Variants in YWHAH observed in about 807,000 individuals in gnomAD.
The protein encoded by YWHAH is tyrosine 3-monooxygenase/tryptophan 5-monooxygenase activation protein eta, also known as 14-3-3 protein eta.
In YWHAH, 6 loss-of-function variants were observed where a neutral mutation model predicts 22.9. The observed-to-expected ratio is 0.26, with a 90% confidence interval of 0.14 to 0.52. The LOEUF (loss-of-function observed/expected upper bound fraction) is 0.52. YWHAH is among the 20% of genes least tolerant of loss of function. YWHAH has a pLI of 0.97. For missense variants in YWHAH, 173 were observed against 308.6 expected (o/e 0.56, Z 3.29); for synonymous variants, 135 against 124.5 (o/e 1.08, Z -0.56).
intron 1 of YWHAH, among the ~76,000 whole-genome samples, chr22:31,955,086 A>C (rs1202209788): frequency 1.3e-5 from 2 of 152,232 alleles, no homozygotes; most frequent in African/African-American, 2.4e-5. Flanking sequence ...TGATGACCAG[A>C]GTTTCCTGTG....
At chr22:31,944,978 C>A (rs2093831433) in intron 1 of YWHAH, 158 bp downstream of exon 1, 1 of 1,119,912 alleles carries the variant, frequency 8.9e-7, no homozygotes, top group South Asian at 4.4e-5. Context: ...TTCCCGCTCC[C>A]GCTGGGCGCC....
chr22:31,944,676 C>T lies in YWHAH; in HGVS notation c.-58C>T, dbSNP rs1474551499. 10 of 1,248,290 alleles carry T rather than the reference C, an allele frequency of 8.0e-6. No individual in the cohort carries two copies. The highest frequency in any genetic ancestry group is 1.0e-5 in the Non-Finnish European group (10 of 981,880). The allele number at this position is 1,248,290 out of a possible 1,614,324, so 77.3% of individuals were successfully genotyped here. ...AGCGACCGGGGAGCGGACTGACCGG[C>T]GGGAGGGCTAGCGAGCCAGCGGTGT... is the stretch of plus-strand genomic sequence containing the variant. On this transcript the variant is annotated 5_prime_UTR_variant, in exon 1 of 2. Coordinates refer to ENST00000248975, the MANE Select transcript of YWHAH (RefSeq NM_003405.4).
chr22:31,955,548 TTC>T (rs764483402), intron 1 of YWHAH, among the ~76,000 whole-genome samples: 102 of 151,962 alleles, frequency 6.7e-4, no homozygotes, highest in Middle Eastern at 3.4e-3. Context: ...GTTCAAGAGT[TTC>T]TCTTGCCTCA....
chr22:31,944,544 G>C lies in YWHAH; in HGVS notation c.-190G>C. On this transcript the variant is annotated 5_prime_UTR_variant, in exon 1 of 2. Coordinates refer to ENST00000248975, the MANE Select transcript of YWHAH (RefSeq NM_003405.4). ...GTCCGCGGCGCGAGCCACAGCGCGCGGGGCGAGCCAGCGAGAGGGCGCGAG... is the reference window on the plus strand; with the variant it reads ...GTCCGCGGCGCGAGCCACAGCGCGCCGGGCGAGCCAGCGAGAGGGCGCGAG... 2 of 219,112 alleles carry C rather than the reference G, an allele frequency of 9.1e-6. No individual in the cohort carries two copies. Among genetic ancestry groups the C allele is most frequent in the Non-Finnish European group, 1.6e-5 (2 of 122,254 alleles). 13.6% of individuals were successfully genotyped at this position (219,112 alleles called of 1,614,324 possible). A position where few individuals can be genotyped will look rare whatever the true frequency, so the allele number is the denominator to read the frequency against.
In YWHAH at chr22:31,944,948, CGCCCGCCCTTA is replaced by C. The variant is rs1237781198; in HGVS notation, c.87+135_87+145del. On this transcript the variant is annotated intron_variant, in intron 1 of 1. Coordinates refer to ENST00000248975, the MANE Select transcript of YWHAH (RefSeq NM_003405.4). ...GGCGACCCGGCTGGGCGTGGCCGCCCGCCCGCCCTTAGCCCGCGCTTCCCGCTCCCGCTGGG... is the reference window on the plus strand; with the variant it reads ...GGCGACCCGGCTGGGCGTGGCCGCCCGCCCGCGCTTCCCGCTCCCGCTGGG... 5.4e-6 allele frequency: 6 copies of C among 1,119,064 alleles called. No individual in the cohort carries two copies. In the African/African-American group the frequency reaches 6.6e-5, roughly 12 times the overall value. 69.3% of individuals were successfully genotyped at this position (1,119,064 alleles called of 1,614,324 possible).
intron 1 of YWHAH, 103 bp downstream of exon 1, chr22:31,944,923 G>A (rs1203805120): frequency 6.1e-6 from 7 of 1,140,908 alleles, no homozygotes; most frequent in African/African-American, 1.7e-5. Flanking sequence ...TGGGCGACCC[G>A]GCGACCCGGC....
In YWHAH at chr22:31,956,753, G is replaced by A; in HGVS notation, c.702G>A (p.Thr234=). ...TGCGAGACAACCTCACCCTCTGGAC[G>A]AGCGACCAGCAGGATGAAGAAGCAG... ...QLLRDNLTLW[T]SDQQDEEAGE... The change falls in exon 2 of 2, where the codon ACG becomes ACA. Residue 234 remains threonine, a synonymous_variant. Coordinates refer to ENST00000248975, the MANE Select transcript of YWHAH (RefSeq NM_003405.4). This position sits in a 1 kb window ranked among gnomAD's most constrained non-coding sequence, Gnocchi z 5.1. 2 of 1,610,184 alleles carry A rather than the reference G, an allele frequency of 1.2e-6. No homozygotes were observed. Among genetic ancestry groups the A allele is most frequent in the South Asian group, 1.1e-5 (1 of 90,560 alleles).
intron 1 of YWHAH, among the ~76,000 whole-genome samples, chr22:31,952,647 T>C (rs1314305545): frequency 2.0e-5 from 3 of 152,232 alleles, no homozygotes; most frequent in Non-Finnish European, 4.4e-5. Context: ...CTAATGCTGA[T>C]AGTGATTCAT....
At chr22:31,945,821 C>G (rs956315647) in intron 1 of YWHAH, 1 of 616,060 alleles carries the variant, frequency 1.6e-6, no homozygotes, top group African/African-American at 1.9e-5. Context: ...TTCAGAAATT[C>G]GGGCGGTGAG....
chr22:31,951,601 T>C (rs949158476), intron 1 of YWHAH, among the ~76,000 whole-genome samples: 3 of 152,196 alleles, frequency 2.0e-5, no homozygotes, highest in Non-Finnish European at 2.9e-5. Context: ...ACACATAGTT[T>C]TTTGCCTTGT....
In YWHAH at chr22:31,945,951, G is replaced by GA. The variant is rs1387893105; in HGVS notation, c.87+1139dup. Among the ~76,000 whole-genome samples the GA allele has an allele frequency of 3.3e-5, 5 of 151,750 alleles. No individual in the cohort carries two copies. The East Asian group carries it at 7.7e-4, about 23-fold the overall frequency. On this transcript the variant is annotated intron_variant, in intron 1 of 1. Coordinates refer to ENST00000248975, the MANE Select transcript of YWHAH (RefSeq NM_003405.4). ...TTGCTGGCCTTTTGGAGGGAGTTCC[G>GA]AAAAAAAACTGCCAATACAAAGGCT...
chr22:31,949,294 C>T (rs1001423906), intron 1 of YWHAH, among the ~76,000 whole-genome samples: 2 of 151,770 alleles, frequency 1.3e-5, no homozygotes, highest in Non-Finnish European at 2.9e-5. Flanking sequence ...CATGCACCAC[C>T]ATGCCATGCC....
At chr22:31,949,220 A>G (rs1051997909) in intron 1 of YWHAH, among the ~76,000 whole-genome samples, 106 of 143,720 alleles carry the variant, frequency 7.4e-4, no homozygotes, top group African/African-American at 2.8e-3. Context: ...GCTCTCTGCA[A>G]CCTCTGCCTC....
rs1336288108 is a variant in YWHAH at position 31,944,705 on chromosome 22, G to A, written c.-29G>A. The A allele has an allele frequency of 1.5e-6, 2 of 1,360,272 alleles. No individual in the cohort carries two copies. Among genetic ancestry groups the A allele is most frequent in the African/African-American group, 1.5e-5 (1 of 66,052 alleles). The allele number at this position is 1,360,272 out of a possible 1,614,324, so 84.3% of individuals were successfully genotyped here. ...AGGGCTAGCGAGCCAGCGGTGTGAG[G>A]CGCGAGGCGAGGCCGAGCCGCGAGC... On this transcript the variant is annotated 5_prime_UTR_variant, in exon 1 of 2. Transcript: ENST00000248975.
chr22:31,949,266 A>G (rs1021423668), intron 1 of YWHAH, among the ~76,000 whole-genome samples: 5 of 149,524 alleles, frequency 3.3e-5, no homozygotes, highest in Admixed American at 2.7e-4. Flanking sequence ...CAGCCTCCCA[A>G]GTAGCTGGGA....
Position 31,944,887 on chromosome 22 carries a change from C to T in YWHAH, c.87+67C>T, listed in dbSNP as rs957974640. On this transcript the variant is annotated intron_variant, in intron 1 of 1. Transcript: ENST00000248975. ...TGGCGTTGGGGAGGGACGGGGATGG[C>T]CGCGGGCGCGTTCCCCTCCCGGCCA... 252 of 1,196,684 alleles carry T rather than the reference C, an allele frequency of 2.1e-4. 1 individual carries two copies. Among genetic ancestry groups the T allele is most frequent in the Non-Finnish European group, 2.5e-4 (240 of 964,088 alleles). The allele number at this position is 1,196,684 out of a possible 1,614,324, so 74.1% of individuals were successfully genotyped here. A position where few individuals can be genotyped will look rare whatever the true frequency, so the allele number is the denominator to read the frequency against.
At chr22:31,950,767 G>A (rs2093842247) in intron 1 of YWHAH, among the ~76,000 whole-genome samples, 1 of 152,170 alleles carries the variant, frequency 6.6e-6, no homozygotes. Context: ...GGCTGGTGAT[G>A]TTCTTGCCCA....
chr22:31,956,242 G>A lies in YWHAH; in HGVS notation c.191G>A (p.Ser64Asn), dbSNP rs371520759. 1.1e-5 allele frequency: 17 copies of A among 1,614,186 alleles called. No individual in the cohort carries two copies. Among genetic ancestry groups the A allele is most frequent in the Non-Finnish European group, 1.1e-5 (13 of 1,180,044 alleles). Residue 64 changes from serine to asparagine, a missense_variant, in exon 2 of 2, where the codon AGC becomes AAC. Ser to Asn is a conservative substitution (Grantham distance 46). Transcript: ENST00000248975. This position sits in a 1 kb window ranked among gnomAD's most constrained non-coding sequence, Gnocchi z 5.1. ...GARRSSWRVISSIEQKTMADG... is the reference protein window; with the variant it reads ...GARRSSWRVINSIEQKTMADG... ...AGGCGATCTTCCTGGAGGGTCATTA[G>A]CAGCATTGAGCAGAAAACCATGGCT...
intron 1 of YWHAH, among the ~76,000 whole-genome samples, chr22:31,954,377 C>A (rs2093846970): frequency 6.6e-6 from 1 of 152,120 alleles, no homozygotes; most frequent in South Asian, 2.1e-4. Flanking sequence ...AGACGACACA[C>A]CATCTTTTAA....
Sources: allele counts gnomAD v4.1 joint callset (sites outside exome capture counted in the v4.1 genomes callset), GRCh38; gene constraint gnomAD v4.1.1; non-coding constraint Gnocchi (gnomAD v3.1); transcripts MANE v1.5; gene names NCBI Gene and HGNC (gene_info 2026-07-23, HGNC 2026-07-21).